Variants in DNM3 observed in about 807,000 individuals in gnomAD.
DNM3 encodes the protein dynamin-3.
In DNM3, 47 loss-of-function variants were observed where a neutral mutation model predicts 101.6. The ratio of observed to expected loss-of-function variants is 0.46; its 90% confidence interval spans 0.37 to 0.59. DNM3 has a LOEUF of 0.59. Ranked by LOEUF, DNM3 falls within the 20% of genes least tolerant of loss-of-function variation. The pLI is 0.00. For synonymous variants in DNM3, 385 were observed against 387.9 expected (o/e 0.99, Z 0.09); for missense variants, 849 against 1,085.7 (o/e 0.78, Z 3.06).
In DNM3 at chr1:172,042,679, A is replaced by G. The variant is rs572261054; in HGVS notation, c.1128+535A>G. 3.7e-4 allele frequency among the ~76,000 whole-genome samples: 56 copies of G among 152,280 alleles called. No individual in the cohort carries two copies. The South Asian group carries it at 5.4e-3, about 15-fold the overall frequency. ...AAGATCTGGGGGAAAGGGGTTGTTC[A>G]AGGCAGAAGTAGCAACCTCGGGTAA... On this transcript the variant is annotated intron_variant, in intron 8 of 20. Transcript: ENST00000627582.
chr1:172,112,777 A>G (rs902606802), intron 13 of DNM3, among the ~76,000 whole-genome samples: 2 of 152,216 alleles, frequency 1.3e-5, no homozygotes, highest in African/African-American at 4.8e-5. Context: ...GAGTCGCTCT[A>G]TGCCTCACAG....
At chr1:172,266,455 T>C (rs2062862195) in intron 15 of DNM3, among the ~76,000 whole-genome samples, 1 of 152,180 alleles carries the variant, frequency 6.6e-6, no homozygotes, top group Admixed American at 6.5e-5. Flanking sequence ...GACTCGGGAA[T>C]GAAATACTGT....
At chr1:172,256,083 G>A (rs147967450) in intron 15 of DNM3, among the ~76,000 whole-genome samples, 3 of 152,204 alleles carry the variant, frequency 2.0e-5, no homozygotes, top group African/African-American at 7.2e-5. Context: ...AGGTCACAAT[G>A]TGCTATTCTT....
chr1:172,320,913 G>A (rs549893572), intron 16 of DNM3, among the ~76,000 whole-genome samples: 1 of 152,286 alleles, frequency 6.6e-6, no homozygotes, highest in South Asian at 2.1e-4. Context: ...TATTTACTAA[G>A]TCTGACACCT....
chr1:171,895,697 T>A (rs1227281285), intron 1 of DNM3, among the ~76,000 whole-genome samples: 35 of 151,538 alleles, frequency 2.3e-4, no homozygotes, highest in Admixed American at 4.6e-4. Flanking sequence ...GGTGTTTTAG[T>A]CATGAAGTCC....
At chr1:171,916,017 C>T (rs1205403378) in intron 1 of DNM3, among the ~76,000 whole-genome samples, 6 of 152,186 alleles carry the variant, frequency 3.9e-5, no homozygotes, top group African/African-American at 1.4e-4. Flanking sequence ...AGACTTTTGT[C>T]CTGAGTGCCA....
chr1:172,223,163 C>A (rs1263156352), intron 14 of DNM3, among the ~76,000 whole-genome samples: 1 of 151,858 alleles, frequency 6.6e-6, no homozygotes, highest in African/African-American at 2.4e-5. Context: ...CAATAGAGCA[C>A]CAAAACTTAT....
downstream of DNM3, among the ~76,000 whole-genome samples, chr1:172,416,199 C>A (rs562861723): frequency 1.7e-4 from 26 of 152,292 alleles, 1 homozygote; most frequent in South Asian, 5.4e-3. Context: ...TTTAGTACTG[C>A]AACTTTCATA....
chr1:171,989,168 G>A lies in DNM3; in HGVS notation c.589+20G>A, dbSNP rs977966745. 2 of 1,605,114 alleles carry A rather than the reference G, an allele frequency of 1.2e-6. No homozygotes were observed. Among genetic ancestry groups the A allele is most frequent in the African/African-American group, 1.3e-5 (1 of 74,872 alleles). The stretch of plus-strand genomic sequence containing the variant: ...CTCAAGGTGAGTGTGTGACTACTAA[G>A]ATGAGAAGGAATTAAAGTGTCAGGA... On this transcript the variant is annotated intron_variant, in intron 4 of 20. Coordinates refer to ENST00000627582, the MANE Select transcript of DNM3 (RefSeq NM_015569.5).
chr1:172,206,147 G>A (rs928808473), intron 14 of DNM3, among the ~76,000 whole-genome samples: 9 of 151,932 alleles, frequency 5.9e-5, no homozygotes, highest in African/African-American at 1.9e-4. Flanking sequence ...TACAAGTTTT[G>A]CAAAATTCGA....
At chr1:172,095,436 C>T (rs2054179686) in intron 13 of DNM3, among the ~76,000 whole-genome samples, 1 of 152,158 alleles carries the variant, frequency 6.6e-6, no homozygotes, top group Non-Finnish European at 1.5e-5. Context: ...ATAATGTATA[C>T]ATGATACAAT....
At chr1:172,225,665 A>C (rs769241985) in intron 14 of DNM3, among the ~76,000 whole-genome samples, 11 of 151,992 alleles carry the variant, frequency 7.2e-5, no homozygotes, top group Non-Finnish European at 1.6e-4. Context: ...TGACCATGGT[A>C]ACATCTTGAG....
At position 172,230,396 on chromosome 1, in the gene DNM3, C is replaced by A. The variant is rs150727418; in HGVS notation, c.1660-23177C>A. On this transcript the variant is annotated intron_variant, in intron 14 of 20. Transcript: ENST00000627582. Reference sequence around the variant, plus strand: ...CTAAAGCTATGGACTCTCCCTACCTCCTTACAATATGTATGTTTTGTAAAA... The same window carrying A: ...CTAAAGCTATGGACTCTCCCTACCTACTTACAATATGTATGTTTTGTAAAA... 2.3e-3 allele frequency among the ~76,000 whole-genome samples: 350 copies of A among 152,274 alleles called. 1 individual carries two copies. The highest frequency in any genetic ancestry group is 8.0e-3 in the African/African-American group (332 of 41,580).
At chr1:172,226,909 A>AT (rs1057434345) in intron 14 of DNM3, among the ~76,000 whole-genome samples, 2 of 151,942 alleles carry the variant, frequency 1.3e-5, no homozygotes, top group Non-Finnish European at 2.9e-5. Flanking sequence ...AAATTTTTTA[A>AT]TTTTTTTATT....
chr1:172,366,556 C>T (rs540036031), intron 17 of DNM3: 1 of 151,946 alleles, frequency 6.6e-6, no homozygotes, highest in South Asian at 2.1e-4. Context: ...ACTTTAGTAG[C>T]ACATATACTA....
intron 13 of DNM3, among the ~76,000 whole-genome samples, chr1:172,100,059 T>C (rs1572507016): frequency 6.6e-6 from 1 of 152,226 alleles, no homozygotes; most frequent in African/African-American, 2.4e-5. Context: ...AGACTTTTTC[T>C]TTAAGCAGGA....
intron 14 of DNM3, chr1:172,144,711 T>G: frequency 2.1e-6 from 1 of 471,370 alleles, no homozygotes; most frequent in Non-Finnish European, 4.4e-6. Context: ...GGGGTTGCAT[T>G]CAGCTTTCCC....
intron 18 of DNM3, chr1:172,380,989 A>C (rs958499388): frequency 1.9e-4 from 29 of 151,768 alleles, no homozygotes; most frequent in African/African-American, 4.3e-4. Flanking sequence ...AGGAAAAAAA[A>C]AAAAAACAAA....
chr1:171,998,201 CAT>C (rs543825666), intron 4 of DNM3, among the ~76,000 whole-genome samples: 266 of 152,202 alleles, frequency 1.7e-3, no homozygotes, highest in African/African-American at 3.4e-3. Context: ...ATCATGAACA[CAT>C]GTTAGACTTA....
Sources: allele counts gnomAD v4.1 joint callset (sites outside exome capture counted in the v4.1 genomes callset), GRCh38; gene constraint gnomAD v4.1.1; transcripts MANE v1.5; gene names NCBI Gene and HGNC (gene_info 2026-07-23, HGNC 2026-07-21).